Variants in ME3 observed in about 807,000 individuals in gnomAD.
ME3 encodes the protein NADP-dependent malic enzyme, mitochondrial.
A neutral mutation model predicts 68.9 loss-of-function variants in ME3; 48 were observed. The ratio of observed to expected loss-of-function variants is 0.70; its 90% confidence interval spans 0.55 to 0.89. The LOEUF is 0.89. ME3 is among the 40% of genes least tolerant of loss of function. The probability of loss-of-function intolerance (pLI) is 0.00; values close to 1 mark genes in which losing one functional copy is unlikely to be tolerated. For missense variants in ME3, 675 were observed against 797.4 expected (o/e 0.85, Z 1.85); for synonymous variants, 320 against 318.8 (o/e 1.00, Z -0.04).
At chr11:86,597,884 T>C (rs1959803114) in intron 2 of ME3, among the ~76,000 whole-genome samples, 1 of 152,052 alleles carries the variant, frequency 6.6e-6, no homozygotes, top group South Asian at 2.1e-4. Flanking sequence ...ATGTATTTGA[T>C]TGATGTCTCA....
intron 2 of ME3, among the ~76,000 whole-genome samples, chr11:86,608,339 A>G (rs1030300375): frequency 6.6e-6 from 1 of 152,154 alleles, no homozygotes; most frequent in African/African-American, 2.4e-5. Context: ...AGGGGCCACT[A>G]TGGGGAGCTG....
intron 5 of ME3, among the ~76,000 whole-genome samples, chr11:86,507,205 G>C (rs941339898): frequency 2.0e-5 from 3 of 152,186 alleles, no homozygotes; most frequent in African/African-American, 7.2e-5. Flanking sequence ...GAGAAGGGTG[G>C]AGGGGCTCAG....
intron 8 of ME3, 49 bp from the exon 9 acceptor site, chr11:86,450,447 C>G: frequency 1.3e-6 from 2 of 1,519,932 alleles, no homozygotes; most frequent in Non-Finnish European, 1.8e-6. Context: ...GCCGCCAGCT[C>G]CCAAGAGAAG....
intron 2 of ME3, among the ~76,000 whole-genome samples, chr11:86,611,494 G>A (rs1458907642): frequency 6.6e-6 from 1 of 150,694 alleles, no homozygotes; most frequent in Admixed American, 6.7e-5. Context: ...TAATTCGCGT[G>A]ATTGTGGTCA....
intron 2 of ME3, among the ~76,000 whole-genome samples, chr11:86,669,433 A>G (rs1946779616): frequency 6.6e-6 from 1 of 152,118 alleles, no homozygotes. Flanking sequence ...GGTTTGATTG[A>G]CTCACAGTTC....
In ME3 at chr11:86,625,532, T is replaced by C. The variant is rs1300709660; in HGVS notation, c.183+46230A>G. On this transcript the variant is annotated intron_variant, in intron 2 of 14. Coordinates refer to ENST00000543262, the Ensembl canonical transcript of ME3. Reference sequence around the variant, plus strand: ...GAGACCTGGGTTTGAATCCCAGCTCTTACAGGTAACTGTTGGCTAAACCTT... The same window carrying C: ...GAGACCTGGGTTTGAATCCCAGCTCCTACAGGTAACTGTTGGCTAAACCTT... 2.0e-5 allele frequency among the ~76,000 whole-genome samples: 3 copies of C among 152,172 alleles called. No individual in the cohort carries two copies. In the South Asian group the frequency reaches 6.2e-4, roughly 32 times the overall value.
chr11:86,507,043 G>A (rs1387848944), intron 5 of ME3, among the ~76,000 whole-genome samples: 1 of 152,238 alleles, frequency 6.6e-6, no homozygotes, highest in Non-Finnish European at 1.5e-5. Context: ...TAGGACTAGG[G>A]CCTTGGCTAT....
At chr11:86,549,906 A>G (rs1428777983) in intron 4 of ME3, among the ~76,000 whole-genome samples, 1 of 152,174 alleles carries the variant, frequency 6.6e-6, no homozygotes, top group Non-Finnish European at 1.5e-5. Flanking sequence ...CTGTTATCTT[A>G]TTATGACCTC....
At chr11:86,644,709 T>A (rs1265438281) in intron 2 of ME3, among the ~76,000 whole-genome samples, 2 of 152,206 alleles carry the variant, frequency 1.3e-5, no homozygotes, top group Non-Finnish European at 2.9e-5. Context: ...TGTTATTCTC[T>A]TACACTATAC....
At chr11:86,462,631 T>C in intron 8 of ME3, 2 of 1,280,232 alleles carry the variant, frequency 1.6e-6, no homozygotes, top group African/African-American at 1.5e-5. Flanking sequence ...ATATATTCTT[T>C]AAACATTTAT....
At chr11:86,642,357 T>G (rs1450732107) in intron 2 of ME3, among the ~76,000 whole-genome samples, 1 of 152,222 alleles carries the variant, frequency 6.6e-6, no homozygotes, top group Non-Finnish European at 1.5e-5. Context: ...AACTACTGCA[T>G]GGGAGGCTGA....
chr11:86,621,405 C>T (rs1356062635), intron 2 of ME3, among the ~76,000 whole-genome samples: 5 of 150,702 alleles, frequency 3.3e-5, no homozygotes, highest in Admixed American at 6.6e-5. Context: ...AATTTGTTAG[C>T]ATGATTCTCA....
chr11:86,660,261 C>T (rs979546169), intron 2 of ME3, among the ~76,000 whole-genome samples: 1 of 152,200 alleles, frequency 6.6e-6, no homozygotes, highest in African/African-American at 2.4e-5. Context: ...GTCTTCCCCT[C>T]TCCTTCCGGA....
chr11:86,534,079 GTGTATATATA>G (rs1011623494), intron 4 of ME3, among the ~76,000 whole-genome samples: 31 of 12,926 alleles, frequency 2.4e-3, no homozygotes, highest in African/African-American at 9.0e-3. Context: ...GTGTGTGTGT[GTGTATATATA>G]TATATATATA....
At chr11:86,560,770 A>ATT in intron 2 of ME3, among the ~76,000 whole-genome samples, 1 of 132,158 alleles carries the variant, frequency 7.6e-6, no homozygotes, top group East Asian at 2.4e-4. Context: ...ATATATATAT[A>ATT]TATTTCCAGG....
rs1010178292 is a variant in ME3 at position 86,528,020 on chromosome 11, G to C, written c.468-19153C>G. 5.9e-5 allele frequency among the ~76,000 whole-genome samples: 9 copies of C among 152,292 alleles called. No individual in the cohort carries two copies. The South Asian group carries it at 8.3e-4, about 14-fold the overall frequency. Reference sequence around the variant, plus strand: ...ACACATAACAATATCAACCTTAAATGTAAATGGACTAAATGCTCCAATTAA... The same window carrying C: ...ACACATAACAATATCAACCTTAAATCTAAATGGACTAAATGCTCCAATTAA... On this transcript the variant is annotated intron_variant, in intron 4 of 14. Coordinates refer to ENST00000543262, the Ensembl canonical transcript of ME3.
At chr11:86,462,902 C>T (rs1292263013) in intron 8 of ME3, among the ~76,000 whole-genome samples, 2 of 152,012 alleles carry the variant, frequency 1.3e-5, no homozygotes, top group African/African-American at 4.8e-5. Flanking sequence ...GTAGAAATTA[C>T]TCAGGTAAAG....
At chr11:86,543,340 A>G (rs1415355358) in intron 4 of ME3, among the ~76,000 whole-genome samples, 1 of 152,240 alleles carries the variant, frequency 6.6e-6, no homozygotes, top group Admixed American at 6.5e-5. Flanking sequence ...AAATGCCCCA[A>G]TTAAAAGACA....
intron 3 of ME3, among the ~76,000 whole-genome samples, chr11:86,558,755 G>A (rs528881751): frequency 3.3e-5 from 5 of 152,168 alleles, no homozygotes; most frequent in African/African-American, 1.2e-4. Context: ...ACTGACATAC[G>A]GCCTACTATG....
Sources: allele counts gnomAD v4.1 joint callset (sites outside exome capture counted in the v4.1 genomes callset), GRCh38; gene constraint gnomAD v4.1.1; transcripts MANE v1.5; gene names NCBI Gene and HGNC (gene_info 2026-07-23, HGNC 2026-07-21).